Variants in PTPRT observed in about 807,000 individuals in gnomAD.
PTPRT encodes receptor-type tyrosine-protein phosphatase T.
In PTPRT, 56 loss-of-function variants were observed where a neutral mutation model predicts 176.8. The ratio of observed to expected loss-of-function variants is 0.32; its 90% confidence interval spans 0.26 to 0.40. PTPRT has a LOEUF of 0.40. Ranked by LOEUF, PTPRT falls within the 10% of genes least tolerant of loss-of-function variation. The pLI, the probability that PTPRT is intolerant of heterozygous loss-of-function variation, is 1.00. For synonymous variants in PTPRT, 783 were observed against 739.0 expected (o/e 1.06, Z -0.96); for missense variants, 1,540 against 1,908.2 (o/e 0.81, Z 3.60).
At chr20:42,128,271 G>A (rs1280313036) in intron 19 of PTPRT, among the ~76,000 whole-genome samples, 1 of 152,114 alleles carries the variant, frequency 6.6e-6, no homozygotes. Flanking sequence ...CTGAATCTCT[G>A]CAGCATGTTA....
chr20:42,448,515 A>G (rs1210922602), intron 8 of PTPRT, among the ~76,000 whole-genome samples, 186 bp from the exon 9 acceptor site: 1 of 152,210 alleles, frequency 6.6e-6, no homozygotes, highest in African/African-American at 2.4e-5. Context: ...AAATGACTAT[A>G]GATAATCCAT....
chr20:42,501,434 A>G (rs1474256602), intron 7 of PTPRT, among the ~76,000 whole-genome samples: 1 of 152,200 alleles, frequency 6.6e-6, no homozygotes, highest in Non-Finnish European at 1.5e-5. Flanking sequence ...GAAGATATAT[A>G]TGCATTTCTG....
At chr20:42,168,630 G>T (rs1397081187) in intron 16 of PTPRT, among the ~76,000 whole-genome samples, 1 of 152,150 alleles carries the variant, frequency 6.6e-6, no homozygotes, top group Non-Finnish European at 1.5e-5. Flanking sequence ...AAAATTTCTC[G>T]AAAATCCCTC....
chr20:42,361,317 C>A (rs1343709124), intron 9 of PTPRT, among the ~76,000 whole-genome samples: 2 of 152,136 alleles, frequency 1.3e-5, no homozygotes, highest in African/African-American at 4.8e-5. Context: ...AATTTCTAAA[C>A]CTGTGTAAGT....
intron 1 of PTPRT, among the ~76,000 whole-genome samples, chr20:43,146,343 G>T (rs571925535): frequency 6.6e-6 from 1 of 152,108 alleles, no homozygotes; most frequent in African/African-American, 2.4e-5. Context: ...GAATGCTTTG[G>T]GGATTATGTC....
At chr20:42,732,879 A>G (rs941862096) in intron 6 of PTPRT, among the ~76,000 whole-genome samples, 2 of 152,226 alleles carry the variant, frequency 1.3e-5, no homozygotes, top group Admixed American at 6.5e-5. Context: ...ATTTTAATAC[A>G]CTACAAAAGA....
chr20:42,183,039 T>A (rs1229464868), intron 16 of PTPRT, among the ~76,000 whole-genome samples: 1 of 151,938 alleles, frequency 6.6e-6, no homozygotes, highest in Non-Finnish European at 1.5e-5. Flanking sequence ...CTTTATCCAC[T>A]CCCACTCTCC....
intron 7 of PTPRT, among the ~76,000 whole-genome samples, chr20:42,677,053 A>G (rs929355245): frequency 6.6e-6 from 1 of 152,204 alleles, no homozygotes; most frequent in Non-Finnish European, 1.5e-5. Context: ...CTTCAGAGGA[A>G]TAGTCCCAAC....
intron 27 of PTPRT, among the ~76,000 whole-genome samples, 177 bp downstream of exon 27, chr20:42,098,244 G>T (rs1985484686): frequency 6.6e-6 from 1 of 151,908 alleles, no homozygotes; most frequent in Admixed American, 6.6e-5. Context: ...TCTGGGGGGT[G>T]ACAGGACCCT....
Position 42,350,608 on chromosome 20 carries a change from A to T in PTPRT, c.1865+20T>A. On this transcript the variant is annotated intron_variant, in intron 11 of 30. Transcript: ENST00000373187. ...ACAGAGAAGAAAAACTGCAGACTCC[A>T]AGTGAAGAACCATCCTCACCTGACA... 6.4e-7 allele frequency: 1 copy of T among 1,564,172 alleles called. No individual in the cohort carries two copies. Among genetic ancestry groups the T allele is most frequent in the East Asian group, 2.2e-5 (1 of 44,628 alleles).
intron 1 of PTPRT, among the ~76,000 whole-genome samples, chr20:43,139,705 G>C (rs958178096): frequency 2.6e-5 from 4 of 152,110 alleles, no homozygotes; most frequent in Admixed American, 6.6e-5. Flanking sequence ...TATCTAAGGT[G>C]GCCCAAGCTG....
intron 6 of PTPRT, among the ~76,000 whole-genome samples, chr20:42,700,611 G>A (rs188401332): frequency 3.9e-5 from 6 of 152,152 alleles, no homozygotes; most frequent in African/African-American, 1.2e-4. Flanking sequence ...AGAATTCCTC[G>A]CATCCCTCGT....
At chr20:42,623,363 T>C (rs1372945329) in intron 7 of PTPRT, among the ~76,000 whole-genome samples, 2 of 152,234 alleles carry the variant, frequency 1.3e-5, no homozygotes, top group Admixed American at 6.5e-5. Flanking sequence ...CCTGTCTGTG[T>C]GCTCCCCCTC....
At chr20:42,269,029 T>C (rs1178812476) in intron 13 of PTPRT, among the ~76,000 whole-genome samples, 1 of 152,182 alleles carries the variant, frequency 6.6e-6, no homozygotes, top group Non-Finnish European at 1.5e-5. Flanking sequence ...GTACAAATAT[T>C]GGCCCCCTTG....
intron 1 of PTPRT, among the ~76,000 whole-genome samples, chr20:43,106,833 T>G (rs1600717871): frequency 6.6e-6 from 1 of 152,170 alleles, no homozygotes; most frequent in East Asian, 1.9e-4. Context: ...TCTTGTTGCC[T>G]AGGCTAGAGT....
chr20:42,683,271 T>TTTTTTTTTTGTTTTGTTTTGTTTTG (rs1555898538), intron 6 of PTPRT, among the ~76,000 whole-genome samples: 1 of 149,280 alleles, frequency 6.7e-6, no homozygotes, highest in Non-Finnish European at 1.5e-5. Flanking sequence ...TTACTTGTTT[T>TTTTTTTTTTGTTTTGTTTTGTTTTG]TTTTGTTTTG....
chr20:42,058,995 A>T, the PTPRT span, among the ~76,000 whole-genome samples: 1 of 152,188 alleles, frequency 6.6e-6, no homozygotes, highest in Non-Finnish European at 1.5e-5. Flanking sequence ...GGGTTAAAAG[A>T]TCCCCAGACC....
chr20:43,096,859 G>C (rs1458171858), intron 1 of PTPRT, among the ~76,000 whole-genome samples: 1 of 152,190 alleles, frequency 6.6e-6, no homozygotes, highest in Non-Finnish European at 1.5e-5. Flanking sequence ...GGAGGCCCCA[G>C]GCTCCCCTTC....
chr20:42,541,126 T>C (rs1246108653), intron 7 of PTPRT, among the ~76,000 whole-genome samples: 1 of 152,162 alleles, frequency 6.6e-6, no homozygotes, highest in Non-Finnish European at 1.5e-5. Context: ...CTTGGATAGA[T>C]TTTTAAAAAT....
Sources: gnomAD v4.1 joint callset for allele counts (sites outside exome capture counted in the v4.1 genomes callset) on GRCh38, gnomAD v4.1.1 for gene constraint, MANE v1.5 for transcripts, NCBI Gene and HGNC (gene_info 2026-07-23, HGNC 2026-07-21) for gene names.